Variants in HMGCLL1 observed in about 807,000 individuals in gnomAD.
The protein encoded by HMGCLL1 is 3-hydroxymethyl-3-methylglutaryl-CoA lyase, cytoplasmic.
A neutral mutation model predicts 39.1 loss-of-function variants in HMGCLL1; 36 were observed. That is an observed-to-expected ratio of 0.92 (90% CI 0.71 to 1.22). The LOEUF is 1.22. Ranked by LOEUF, HMGCLL1 falls within the 50% of genes most tolerant of loss-of-function variation. The probability of loss-of-function intolerance (pLI) is 0.00; values close to 1 mark genes in which losing one functional copy is unlikely to be tolerated. For missense variants in HMGCLL1, 451 were observed against 416.5 expected (o/e 1.08, Z -0.72); for synonymous variants, 149 against 144.0 (o/e 1.03, Z -0.25).
upstream of HMGCLL1, among the ~76,000 whole-genome samples, chr6:55,581,293 A>G (rs1030657187): frequency 6.6e-6 from 1 of 152,136 alleles, no homozygotes; most frequent in Non-Finnish European, 1.5e-5. Context: ...TTTTTTACAG[A>G]AAAGTCTTAT....
intron 3 of HMGCLL1, among the ~76,000 whole-genome samples, chr6:55,527,195 G>T (rs552215172): frequency 1.3e-5 from 2 of 152,192 alleles, no homozygotes; most frequent in East Asian, 3.9e-4. Flanking sequence ...CTCCTAGAGA[G>T]AACTCACCTT....
chr6:55,652,968 C>T, the HMGCLL1 span, among the ~76,000 whole-genome samples: 1 of 152,090 alleles, frequency 6.6e-6, no homozygotes, highest in East Asian at 1.9e-4. Flanking sequence ...CTAGCACATT[C>T]CTTATCTCTT....
chr6:55,653,502 C>G, the HMGCLL1 span, among the ~76,000 whole-genome samples: 1 of 129,724 alleles, frequency 7.7e-6, no homozygotes, highest in African/African-American at 3.0e-5. Flanking sequence ...AAACTTCAAA[C>G]TACCCTGTAG....
In HMGCLL1 at chr6:55,579,122, G is replaced by A; in HGVS notation, c.-67C>T. On this transcript the variant is annotated 5_prime_UTR_variant, in exon 1 of 9. Transcript: ENST00000274901. ...GAGGAGGATGAGGGGCGGGCACCGC[G>A]CTGGGAAACTGCGCCAGCTCGGGAG... 1 of 1,236,162 alleles carries A rather than the reference G, an allele frequency of 8.1e-7. No homozygotes were observed. The highest frequency in any genetic ancestry group is 1.3e-5 in the South Asian group (1 of 79,104). 76.6% of individuals were successfully genotyped at this position (1,236,162 alleles called of 1,614,324 possible). A position where few individuals can be genotyped will look rare whatever the true frequency, so the allele number is the denominator to read the frequency against.
At chr6:55,577,829 G>A (rs534462420) in intron 1 of HMGCLL1, among the ~76,000 whole-genome samples, 2 of 152,192 alleles carry the variant, frequency 1.3e-5, no homozygotes, top group Non-Finnish European at 2.9e-5. Flanking sequence ...TTAACATGTG[G>A]GAAGATAAAG....
At position 55,514,097 on chromosome 6, in the gene HMGCLL1, A is replaced by G. The variant is rs764634937; in HGVS notation, c.493T>C (p.Phe165Leu). Residue 165 changes from phenylalanine to leucine, a missense_variant, in exon 5 of 9, where the codon TTT becomes CTT. Transcript: ENST00000274901. Reference protein sequence around the residue: ...NCSIEESMGKFEEVVKSARHM... With the variant: ...NCSIEESMGKLEEVVKSARHM... ...CTTGCAGACTTAACAACCTCCTCAA[A>G]TTTTCCCATACTTTCTTCAATGGAA... 11 of 1,613,062 alleles carry G rather than the reference A, an allele frequency of 6.8e-6. 1 individual carries two copies. The South Asian group carries it at 1.1e-4, about 16-fold the overall frequency.
At chr6:55,447,049 T>C (rs1763882146) in intron 7 of HMGCLL1, among the ~76,000 whole-genome samples, 2 of 152,034 alleles carry the variant, frequency 1.3e-5, no homozygotes, top group Non-Finnish European at 2.9e-5. Flanking sequence ...TATTTTCCAA[T>C]ATTTTTATTC....
the HMGCLL1 span, among the ~76,000 whole-genome samples, chr6:55,594,726 T>C: frequency 6.6e-6 from 1 of 152,172 alleles, no homozygotes; most frequent in East Asian, 1.9e-4. Flanking sequence ...AAGTCTGTCC[T>C]GTTGCCCTGA....
chr6:55,649,484 T>C, the HMGCLL1 span, among the ~76,000 whole-genome samples: 1 of 151,940 alleles, frequency 6.6e-6, no homozygotes, highest in Admixed American at 6.6e-5. Flanking sequence ...TCTTTCTTTT[T>C]TCTTGCTGCT....
chr6:55,640,439 A>G, the HMGCLL1 span, among the ~76,000 whole-genome samples: 1 of 152,038 alleles, frequency 6.6e-6, no homozygotes, highest in Non-Finnish European at 1.5e-5. Flanking sequence ...AGGAGTACAT[A>G]CAGCATCATT....
At chr6:55,619,447 C>A in the HMGCLL1 span, among the ~76,000 whole-genome samples, 2 of 151,928 alleles carry the variant, frequency 1.3e-5, no homozygotes, top group Non-Finnish European at 2.9e-5. Flanking sequence ...ACAATAGTGG[C>A]ACATGGGAGG....
intron 5 of HMGCLL1, among the ~76,000 whole-genome samples, chr6:55,501,694 T>G (rs1411784078): frequency 6.6e-6 from 1 of 151,874 alleles, no homozygotes; most frequent in Non-Finnish European, 1.5e-5. Flanking sequence ...CCAAAACAAT[T>G]AAACCAGAAA....
At chr6:55,591,803 T>G in the HMGCLL1 span, among the ~76,000 whole-genome samples, 1 of 151,894 alleles carries the variant, frequency 6.6e-6, no homozygotes, top group Non-Finnish European at 1.5e-5. Context: ...TGGAATCCTT[T>G]TCTTACTAGA....
At chr6:55,628,363 A>G in the HMGCLL1 span, among the ~76,000 whole-genome samples, 8 of 148,996 alleles carry the variant, frequency 5.4e-5, no homozygotes, top group African/African-American at 1.7e-4. Flanking sequence ...GCGCAGTGGC[A>G]CAACTTGGGC....
intron 5 of HMGCLL1, among the ~76,000 whole-genome samples, chr6:55,510,535 G>C (rs932642903): frequency 6.8e-6 from 1 of 147,456 alleles, no homozygotes; most frequent in Non-Finnish European, 1.5e-5. Flanking sequence ...GTAAACTATC[G>C]CAAGGACAAA....
At chr6:55,629,448 T>C in the HMGCLL1 span, among the ~76,000 whole-genome samples, 3 of 152,128 alleles carry the variant, frequency 2.0e-5, no homozygotes, top group African/African-American at 7.2e-5. Context: ...AGCATAAAAG[T>C]TCAGAACATT....
In HMGCLL1 at chr6:55,439,435, G is replaced by C. The variant is rs760681895; in HGVS notation, c.920C>G (p.Thr307Arg). The part of the protein sequence containing the change: ...IYMLNGLGLN[T>R]GVNLYKVMEA... ...TTAAAATACGTTAAAGTAACTTACT[G>C]TATTGAGCCCCAGGCCATTAAGCAT... Residue 307 changes from threonine to arginine, a missense_variant and splice_region_variant, in exon 8 of 9, where the codon ACA (threonine) becomes AGA (arginine). Physicochemically the swap from Thr to Arg is moderately conservative, Grantham distance 71 (BLOSUM62 -1). Coordinates refer to ENST00000274901, the MANE Select transcript of HMGCLL1 (RefSeq NM_001042406.2). The C allele has an allele frequency of 6.2e-7, 1 of 1,610,700 alleles. No homozygotes were observed. The highest frequency in any genetic ancestry group is 8.5e-7 in the Non-Finnish European group (1 of 1,177,822).
At chr6:55,568,944 G>T (rs962139508) in intron 1 of HMGCLL1, among the ~76,000 whole-genome samples, 24 of 152,020 alleles carry the variant, frequency 1.6e-4, no homozygotes, top group Middle Eastern at 3.4e-3. Flanking sequence ...AGCACAGAGT[G>T]AATAAGCATA....
chr6:55,459,159 T>C (rs1001198249), intron 7 of HMGCLL1, among the ~76,000 whole-genome samples: 4 of 152,132 alleles, frequency 2.6e-5, no homozygotes, highest in African/African-American at 7.2e-5. Context: ...GAGTAAATCA[T>C]GCAATCAGCC....
Sources: allele counts gnomAD v4.1 joint callset (sites outside exome capture counted in the v4.1 genomes callset), GRCh38; gene constraint gnomAD v4.1.1; transcripts MANE v1.5; gene names NCBI Gene and HGNC (gene_info 2026-07-23, HGNC 2026-07-21).